KDM5A: variants seen among roughly 807,000 people sequenced by gnomAD.
The protein encoded by KDM5A is lysine demethylase 5A.
In KDM5A, 42 loss-of-function variants were observed where a neutral mutation model predicts 193.5. The observed-to-expected ratio is 0.22, with a 90% CI of 0.17 to 0.28. KDM5A has a LOEUF of 0.28. Among genes scored for constraint, KDM5A ranks in the 10% least tolerant of loss-of-function variants. The probability of loss-of-function intolerance (pLI) is 1.00; values close to 1 mark genes in which losing one functional copy is unlikely to be tolerated. For synonymous variants in KDM5A, 796 were observed against 718.1 expected, an observed-to-expected ratio of 1.11 and a Z score of -1.73; for missense variants, 1,692 against 2,055.1, an observed-to-expected ratio of 0.82 and a Z score of 3.42.
intron 18 of KDM5A, among the ~76,000 whole-genome samples, chr12:319,726 C>G (rs1943693228): frequency 6.6e-6 from 1 of 151,918 alleles, no homozygotes; most frequent in South Asian, 2.1e-4. Flanking sequence ...TGTACTGCAG[C>G]CTGGATGACA....
At chr12:382,865 G>C (rs753484973) in intron 3 of KDM5A, among the ~76,000 whole-genome samples, 2 of 152,130 alleles carry the variant, frequency 1.3e-5, no homozygotes, top group Non-Finnish European at 2.9e-5. Flanking sequence ...CTGGGAGGCA[G>C]AGGTTGCAGT....
At chr12:325,968 C>T (rs986803510) in intron 14 of KDM5A, among the ~76,000 whole-genome samples, 1 of 152,128 alleles carries the variant, frequency 6.6e-6, no homozygotes, top group Non-Finnish European at 1.5e-5. Context: ...AAGCTGAGAT[C>T]GTGCAACTGC....
At chr12:380,176 G>A (rs1468402285) in intron 3 of KDM5A, among the ~76,000 whole-genome samples, 1 of 151,974 alleles carries the variant, frequency 6.6e-6, no homozygotes, top group Non-Finnish European at 1.5e-5. Flanking sequence ...GCTGAGTGAG[G>A]GGAATCGCTT....
rs1943203466 is a variant in KDM5A, at chr12:285,113, A to C, written c.*343T>G. The C allele has an allele frequency of 1.1e-5, 4 of 360,556 alleles. No individual in the cohort carries two copies. The East Asian group carries it at 1.7e-4, about 15-fold the overall frequency. The allele number at this position is 360,556 out of a possible 1,614,324, so 22.3% of individuals were successfully genotyped here. A position where few individuals can be genotyped will look rare whatever the true frequency, so the allele number is the denominator to read the frequency against. On this transcript the variant is annotated 3_prime_UTR_variant, in exon 28 of 28. Transcript: ENST00000399788. ...AGCCTCTAACTACTATCAGCTGGAC[A>C]AAAGCCACATCCTATATGCCCTGTT...
chr12:323,582 C>T lies in KDM5A; in HGVS notation c.2150+18G>A. On this transcript the variant is annotated intron_variant, in intron 15 of 27. Coordinates refer to ENST00000399788, the MANE Select transcript of KDM5A (RefSeq NM_001042603.3). ...TTAAAAAAAGGTAATGGAAGTTTTACAAAATACTTTTGGATACCTAAGACA... is the reference window on the plus strand; with the variant it reads ...TTAAAAAAAGGTAATGGAAGTTTTATAAAATACTTTTGGATACCTAAGACA... 6.2e-7 allele frequency: 1 copy of T among 1,611,356 alleles called. No individual in the cohort carries two copies. The highest frequency in any genetic ancestry group is 8.5e-7 in the Non-Finnish European group (1 of 1,177,666).
At chr12:333,377 C>A (rs911305300) in intron 12 of KDM5A, 110 bp downstream of exon 12, 1 of 1,177,002 alleles carries the variant, frequency 8.5e-7, no homozygotes, top group Non-Finnish European at 1.2e-6. Flanking sequence ...AATCATCGTG[C>A]CGCTGCACTC....
At chr12:316,607 T>C (rs949729355) in intron 19 of KDM5A, among the ~76,000 whole-genome samples, 1 of 152,206 alleles carries the variant, frequency 6.6e-6, no homozygotes, top group Non-Finnish European at 1.5e-5. Context: ...TACTACCAGG[T>C]GCGCCACGTT....
At chr12:309,466 T>C (rs1156867512) in intron 22 of KDM5A, among the ~76,000 whole-genome samples, 1 of 152,214 alleles carries the variant, frequency 6.6e-6, no homozygotes, top group Admixed American at 6.5e-5. Context: ...TATACATTGC[T>C]TCGCTTAAAG....
At chr12:351,176 A>G (rs1470512575) in intron 9 of KDM5A, among the ~76,000 whole-genome samples, 3 of 152,138 alleles carry the variant, frequency 2.0e-5, no homozygotes, top group Non-Finnish European at 4.4e-5. Flanking sequence ...TAAGTTCTAC[A>G]TTGGGTATTT....
At chr12:323,055 T>G (rs1259904487) in intron 16 of KDM5A, 27 bp downstream of exon 16, 4 of 1,612,700 alleles carry the variant, frequency 2.5e-6, no homozygotes, top group Non-Finnish European at 3.4e-6. Flanking sequence ...CAATTCAGTA[T>G]ATGCATACAA....
At position 307,549 on chromosome 12, in the gene KDM5A, A is replaced by C. The variant is rs373403877; in HGVS notation, c.3835T>G (p.Leu1279Val). 2 of 1,614,022 alleles carry C rather than the reference A, an allele frequency of 1.2e-6. No individual in the cohort carries two copies. The highest frequency in any genetic ancestry group is 2.7e-5 in the African/African-American group (2 of 74,920). ...LSSALAKLSV[L>V]SQRMVEQAAR... ...GCCTGTTCCACCATACGCTGGCTCA[A>C]CACAGATAGTTTGGCCAGGGCAGAG... Residue 1279 changes from leucine to valine, a missense_variant, in exon 23 of 28, where the codon TTG becomes GTG. By Grantham distance (32) the Leu-to-Val change is conservative (BLOSUM62 1). Around this residue, in one of 11 missense-constraint regions of KDM5A, gnomAD observed 965 missense variants for 1,061.0 expected, o/e 0.91. Coordinates refer to ENST00000399788, the MANE Select transcript of KDM5A (RefSeq NM_001042603.3). This position sits in a 1 kb window ranked among gnomAD's most constrained non-coding sequence, Gnocchi z 4.3.
In KDM5A at chr12:295,758, G is replaced by A. The variant is rs772244111; in HGVS notation, c.4270C>T (p.Pro1424Ser). 1 of 1,613,834 alleles carries A rather than the reference G, an allele frequency of 6.2e-7. No individual in the cohort carries two copies. Among genetic ancestry groups the A allele is most frequent in the Non-Finnish European group, 8.5e-7 (1 of 1,179,954 alleles). The change falls in exon 26 of 28, where the codon CCT becomes TCT. Residue 1424 changes from proline (P) to serine (S), a missense_variant. Physicochemically the swap from Pro to Ser is moderately conservative, Grantham distance 74 (BLOSUM62 -1). Coordinates refer to ENST00000399788, the MANE Select transcript of KDM5A (RefSeq NM_001042603.3). ...GGTTCCAAACTTCGGGGCACCAAAG[G>A]GCTCTTCCGAGGTTGTTTCCTTGGG... ...STPRKQPRKS[P>S]LVPRSLEPPV...
At chr12:364,200 G>A (rs946173235) in intron 4 of KDM5A, among the ~76,000 whole-genome samples, 19 of 152,222 alleles carry the variant, frequency 1.2e-4, no homozygotes, top group Non-Finnish European at 1.9e-4. Flanking sequence ...GGCCGGGTGC[G>A]GTGGCTCACG....
chr12:306,743 CAAAA>C (rs371480095), intron 24 of KDM5A, among the ~76,000 whole-genome samples, 199 bp downstream of exon 24: 1 of 93,000 alleles, frequency 1.1e-5, no homozygotes. Context: ...ACTCCATCTC[CAAAA>C]AAAAAAAAAA....
At chr12:293,465 T>G (rs1288636868) in intron 26 of KDM5A, among the ~76,000 whole-genome samples, 1 of 152,138 alleles carries the variant, frequency 6.6e-6, no homozygotes, top group Non-Finnish European at 1.5e-5. Context: ...CTTTATGTTA[T>G]GTACATTATG....
At chr12:320,947 G>C in intron 18 of KDM5A, 48 bp downstream of exon 18, 1 of 1,268,788 alleles carries the variant, frequency 7.9e-7, no homozygotes. Flanking sequence ...CAGAACAGTG[G>C]ACCATGTCAC....
chr12:295,364 G>C (rs549665735), intron 26 of KDM5A, among the ~76,000 whole-genome samples: 1 of 151,920 alleles, frequency 6.6e-6, no homozygotes, highest in East Asian at 1.9e-4. Flanking sequence ...GAGAAAGAGA[G>C]AAAGAAAGAA....
intron 10 of KDM5A, among the ~76,000 whole-genome samples, chr12:338,530 G>A (rs1393671057): frequency 1.3e-5 from 2 of 152,132 alleles, no homozygotes; most frequent in African/African-American, 4.8e-5. Context: ...TCCCTTTGCT[G>A]ATTTTGTTTG....
chr12:321,557 A>G (rs888380718), intron 17 of KDM5A, among the ~76,000 whole-genome samples: 3 of 152,232 alleles, frequency 2.0e-5, no homozygotes, highest in Non-Finnish European at 4.4e-5. Flanking sequence ...CCCAATGACA[A>G]GTTAAGAGCT....
Sources: gnomAD v4.1 joint callset for allele counts (sites outside exome capture counted in the v4.1 genomes callset) on GRCh38, gnomAD v4.1.1 for gene constraint, gnomAD v4.1.1 regional missense constraint, Gnocchi (gnomAD v3.1) non-coding constraint, MANE v1.5 for transcripts, NCBI Gene and HGNC (gene_info 2026-07-23, HGNC 2026-07-21) for gene names.